PCDH15: variants seen among roughly 807,000 people sequenced by gnomAD.
The protein encoded by PCDH15 is protocadherin-15.
PCDH15 carries 129 observed loss-of-function variants against 178.5 expected under a neutral mutation model. The ratio of observed to expected loss-of-function variants is 0.72; its 90% CI spans 0.63 to 0.84. The LOEUF (loss-of-function observed/expected upper bound fraction) is 0.84, where lower values mean the gene tolerates loss of function less well. Ranked by LOEUF, PCDH15 falls within the 40% of genes least tolerant of loss-of-function variation. The pLI is 0.00. For synonymous variants in PCDH15, 800 were observed against 732.0 expected (o/e 1.09, Z -1.50); for missense variants, 2,230 against 2,099.9 (o/e 1.06, Z -1.21).
rs1565199159 is a variant in PCDH15 at position 55,499,449 on chromosome 10, ACAC to A, written c.-156+128173_-156+128175del. Among the ~76,000 whole-genome samples, 19 of 147,816 alleles carry A rather than the reference ACAC, an allele frequency of 1.3e-4. No individual in the cohort carries two copies. The East Asian group carries it at 1.7e-3, about 13-fold the overall frequency. On this transcript the variant is annotated intron_variant, in intron 2 of 5. Coordinates refer to the PCDH15 transcript ENST00000613346. ...CACACACACACACACACACACACACACACAAATAATGTTGCATCTCTCACCATG... is the reference window on the plus strand; with the variant it reads ...CACACACACACACACACACACACACAAAATAATGTTGCATCTCTCACCATG...
intron 8 of PCDH15, among the ~76,000 whole-genome samples, chr10:54,317,058 T>G (rs899305180): frequency 3.3e-5 from 5 of 152,232 alleles, no homozygotes; most frequent in Non-Finnish European, 7.3e-5. Context: ...GACTGTTGTT[T>G]CATAACATAC....
chr10:54,686,040 A>ATTTTTTT, intron 1 of PCDH15, among the ~76,000 whole-genome samples: 1 of 81,080 alleles, frequency 1.2e-5, no homozygotes, highest in African/African-American at 4.0e-5. Flanking sequence ...CAAGACAGCC[A>ATTTTTTT]ATTTTTTTTT....
intron 32 of PCDH15, 97 bp from the exon 33 acceptor site, chr10:53,820,327 G>T: frequency 2.5e-6 from 1 of 394,150 alleles, no homozygotes; most frequent in Non-Finnish European, 4.5e-6. Context: ...GAAGCAGATG[G>T]GCTAATAAAA....
At chr10:54,743,412 C>T (rs1302970278) in intron 1 of PCDH15, among the ~76,000 whole-genome samples, 2 of 151,854 alleles carry the variant, frequency 1.3e-5, no homozygotes, top group Non-Finnish European at 2.9e-5. Flanking sequence ...TATATGACTC[C>T]TTCATTGTGG....
intron 15 of PCDH15, among the ~76,000 whole-genome samples, chr10:54,125,088 C>A (rs2132936793): frequency 6.6e-6 from 1 of 152,152 alleles, no homozygotes; most frequent in African/African-American, 2.4e-5. Flanking sequence ...AAAACACATG[C>A]TGCAAGCTGA....
chr10:54,577,945 C>A (rs1276624810), intron 2 of PCDH15, among the ~76,000 whole-genome samples: 1 of 151,988 alleles, frequency 6.6e-6, no homozygotes, highest in East Asian at 1.9e-4. Context: ...CTGATGAGTC[C>A]TTCTTAAGAC....
intron 2 of PCDH15, among the ~76,000 whole-genome samples, chr10:55,583,353 T>C (rs182685462): frequency 3.3e-5 from 5 of 152,322 alleles, no homozygotes; most frequent in African/African-American, 4.8e-5. Flanking sequence ...ATAGCTTCAA[T>C]AGAATATAAC....
intron 2 of PCDH15, among the ~76,000 whole-genome samples, chr10:55,327,541 C>A (rs964284140): frequency 6.6e-6 from 1 of 151,966 alleles, no homozygotes; most frequent in African/African-American, 2.4e-5. Context: ...TCTTGGCAAA[C>A]ATGTTATATT....
intron 2 of PCDH15, among the ~76,000 whole-genome samples, chr10:54,644,448 G>C (rs1337234258): frequency 2.0e-5 from 3 of 151,688 alleles, no homozygotes; most frequent in African/African-American, 7.2e-5. Context: ...TCTTTAACTT[G>C]CAACATGTCA....
At chr10:54,644,484 A>T (rs1231283128) in intron 2 of PCDH15, among the ~76,000 whole-genome samples, 1 of 151,982 alleles carries the variant, frequency 6.6e-6, no homozygotes, top group Non-Finnish European at 1.5e-5. Context: ...ACTCAAGGTC[A>T]ACAAAGAGTA....
intron 2 of PCDH15, among the ~76,000 whole-genome samples, chr10:55,542,408 T>C (rs1320900292): frequency 6.6e-6 from 1 of 150,980 alleles, no homozygotes; most frequent in Non-Finnish European, 1.5e-5. Flanking sequence ...TACATATGTA[T>C]ATGTACATAT....
chr10:53,854,951 CTATTTA>C (rs2078625528), intron 28 of PCDH15, among the ~76,000 whole-genome samples: 1 of 151,938 alleles, frequency 6.6e-6, no homozygotes, highest in African/African-American at 2.4e-5. Context: ...CTGATTTTTC[CTATTTA>C]TATCATCCTA....
chr10:54,443,172 G>A (rs1293455176), intron 3 of PCDH15, among the ~76,000 whole-genome samples: 1 of 151,568 alleles, frequency 6.6e-6, no homozygotes, highest in African/African-American at 2.4e-5. Context: ...GAAAATAGCA[G>A]CAATTTTTTT....
At chr10:54,708,823 T>C (rs1423934157) in intron 1 of PCDH15, among the ~76,000 whole-genome samples, 1 of 151,808 alleles carries the variant, frequency 6.6e-6, no homozygotes, top group African/African-American at 2.4e-5. Flanking sequence ...CGTGTGGTCA[T>C]CTTTATTCTT....
chr10:54,388,970 T>A (rs1950224903), intron 3 of PCDH15, among the ~76,000 whole-genome samples: 1 of 152,168 alleles, frequency 6.6e-6, no homozygotes, highest in Admixed American at 6.6e-5. Context: ...ACATTGAGTA[T>A]CAGCAACAGA....
At chr10:55,291,850 G>T (rs1460963053) in intron 1 of PCDH15, among the ~76,000 whole-genome samples, 1 of 152,142 alleles carries the variant, frequency 6.6e-6, no homozygotes, top group Non-Finnish European at 1.5e-5. Context: ...GTCTTACATG[G>T]ATGGCAGCAG....
intron 4 of PCDH15, among the ~76,000 whole-genome samples, chr10:54,370,737 TA>T (rs34633520): frequency 0.055 from 8,357 of 151,888 alleles, 270 homozygotes; most frequent in Admixed American, 0.099. Flanking sequence ...TTTTATTTAT[TA>T]AAAAATAAAT....
intron 3 of PCDH15, among the ~76,000 whole-genome samples, chr10:54,518,130 C>A (rs1450711231): frequency 6.6e-6 from 1 of 151,842 alleles, no homozygotes; most frequent in Non-Finnish European, 1.5e-5. Flanking sequence ...AAATTGACAC[C>A]CTAACATCAC....
chr10:55,111,783 C>A (rs1837512409), intron 2 of PCDH15, among the ~76,000 whole-genome samples: 1 of 152,082 alleles, frequency 6.6e-6, no homozygotes, highest in Non-Finnish European at 1.5e-5. Flanking sequence ...GCAGAGGGTG[C>A]AGTGAGCCGA....
Sources: allele counts gnomAD v4.1 joint callset (sites outside exome capture counted in the v4.1 genomes callset), GRCh38; gene constraint gnomAD v4.1.1; transcripts MANE v1.5; gene names NCBI Gene and HGNC (gene_info 2026-07-23, HGNC 2026-07-21).